NRG1: variants seen among roughly 807,000 people sequenced by gnomAD.
NRG1 encodes the protein pro-neuregulin-1, membrane-bound isoform.
In NRG1, 18 loss-of-function variants were observed where a neutral mutation model predicts 63.8. The observed-to-expected ratio is 0.28, with a 90% CI of 0.19 to 0.42. The LOEUF is 0.42. NRG1 is among the 10% of genes least tolerant of loss of function. NRG1 has a pLI of 1.00. For synonymous variants in NRG1, 302 were observed against 301.3 expected (o/e 1.00, Z -0.02); for missense variants, 762 against 814.7 (o/e 0.94, Z 0.79).
In NRG1 at chr8:32,614,609, C is replaced by T. The variant is rs1034368262; in HGVS notation, c.451+45C>T. On this transcript the variant is annotated intron_variant, in intron 4 of 11. Coordinates refer to ENST00000356819, the Ensembl canonical transcript of NRG1. ...CAAATTTTACTAACCAGAATGACAACCATAACTGCTGGCTGCTCCTTCTAC... is the reference window on the plus strand; with the variant it reads ...CAAATTTTACTAACCAGAATGACAATCATAACTGCTGGCTGCTCCTTCTAC... 2.5e-6 allele frequency: 4 copies of T among 1,576,846 alleles called. 1 individual carries two copies. The highest frequency in any genetic ancestry group is 3.4e-4 in the Middle Eastern group (2 of 5,940).
chr8:32,579,321 AAAC>A (rs1397763476), intron 1 of NRG1, among the ~76,000 whole-genome samples: 1 of 152,008 alleles, frequency 6.6e-6, no homozygotes, highest in Non-Finnish European at 1.5e-5. Context: ...CAATGTACAA[AAAC>A]CCAGAATAGA....
chr8:31,959,584 C>T (rs774588657), intron 1 of NRG1, among the ~76,000 whole-genome samples: 4 of 151,980 alleles, frequency 2.6e-5, no homozygotes, highest in Admixed American at 1.3e-4. Context: ...ACACCGGGTA[C>T]TATCCTGAGT....
intron 1 of NRG1, among the ~76,000 whole-genome samples, chr8:32,226,822 G>C (rs1412719353): frequency 6.6e-6 from 1 of 152,090 alleles, no homozygotes; most frequent in East Asian, 1.9e-4. Context: ...AAAATGTCAA[G>C]TTGTTTTGAC....
chr8:31,883,048 T>C (rs1272508503), intron 1 of NRG1, among the ~76,000 whole-genome samples: 1 of 152,072 alleles, frequency 6.6e-6, no homozygotes, highest in African/African-American at 2.4e-5. Context: ...TAGCATGCTA[T>C]CAAAGAGCAT....
At chr8:32,432,882 A>C (rs1468685753) in intron 1 of NRG1, among the ~76,000 whole-genome samples, 1 of 152,162 alleles carries the variant, frequency 6.6e-6, no homozygotes, top group Admixed American at 6.6e-5. Flanking sequence ...CGGGTGGAGC[A>C]AAAGCTTTTA....
At chr8:32,114,908 CAA>C (rs1270381169) in intron 1 of NRG1, among the ~76,000 whole-genome samples, 2 of 151,960 alleles carry the variant, frequency 1.3e-5, no homozygotes, top group Non-Finnish European at 2.9e-5. Flanking sequence ...AGAGTTTAAC[CAA>C]AGTCAGGTGA....
chr8:32,548,094 C>G (rs36213230), upstream of NRG1: 198 of 548,766 alleles, frequency 3.6e-4, no homozygotes, highest in Non-Finnish European at 4.0e-4. Context: ...CCGCCACCCC[C>G]CGCCCGGCCA....
intron 1 of NRG1, among the ~76,000 whole-genome samples, chr8:31,760,301 T>C (rs1245295616): frequency 6.6e-6 from 1 of 152,180 alleles, no homozygotes; most frequent in East Asian, 1.9e-4. Flanking sequence ...ATTTGTTAAA[T>C]AGGGAATCCT....
intron 1 of NRG1, among the ~76,000 whole-genome samples, chr8:32,282,600 A>G (rs1343074803): frequency 6.6e-6 from 1 of 152,198 alleles, no homozygotes; most frequent in African/African-American, 2.4e-5. Context: ...CATCAGCCTC[A>G]CCAAGCAGTG....
At chr8:31,881,096 C>T (rs189758775) in intron 1 of NRG1, among the ~76,000 whole-genome samples, 1 of 152,202 alleles carries the variant, frequency 6.6e-6, no homozygotes, top group East Asian at 1.9e-4. Context: ...GTTCCAGGAT[C>T]TTGAGTACAG....
intron 1 of NRG1, among the ~76,000 whole-genome samples, chr8:31,815,757 CAT>C (rs1253964255): frequency 6.6e-6 from 1 of 152,166 alleles, no homozygotes; most frequent in African/African-American, 2.4e-5. Flanking sequence ...AAATTTGTTA[CAT>C]GTTGTTGCAA....
At chr8:31,770,032 A>G (rs1268964457) in intron 1 of NRG1, among the ~76,000 whole-genome samples, 1 of 152,124 alleles carries the variant, frequency 6.6e-6, no homozygotes, top group East Asian at 1.9e-4. Flanking sequence ...TGGAAAGGAG[A>G]GAAAGTCAGA....
intron 5 of NRG1, among the ~76,000 whole-genome samples, chr8:32,694,766 G>T (rs1365627689): frequency 1.3e-5 from 2 of 152,194 alleles, no homozygotes; most frequent in Non-Finnish European, 2.9e-5. Context: ...TCTACTCAGT[G>T]ACTTTGTAGT....
At chr8:32,121,821 G>A (rs992082085) in intron 1 of NRG1, among the ~76,000 whole-genome samples, 2 of 151,880 alleles carry the variant, frequency 1.3e-5, no homozygotes, top group Non-Finnish European at 2.9e-5. Flanking sequence ...GCCATAGAGT[G>A]TTTTGACATT....
chr8:31,883,578 C>G (rs1245002611), intron 1 of NRG1, among the ~76,000 whole-genome samples: 2 of 152,024 alleles, frequency 1.3e-5, no homozygotes, highest in Non-Finnish European at 2.9e-5. Context: ...AGCAGAGTAG[C>G]CCAATCAAGT....
At position 32,055,312 on chromosome 8, in the gene NRG1, A is replaced by G. The variant is rs140017333; in HGVS notation, c.37+415881A>G. On this transcript the variant is annotated intron_variant, in intron 1 of 10. Coordinates refer to the NRG1 transcript ENST00000519301. The stretch of plus-strand genomic sequence containing the variant: ...GGATAATAATATATCTTTCTATATA[A>G]CACATTTCAATATCTATTTAATGTG... 2.6e-4 allele frequency among the ~76,000 whole-genome samples: 39 copies of G among 152,284 alleles called. No homozygotes were observed. The East Asian group carries it at 7.0e-3, about 27-fold the overall frequency.
intron 5 of NRG1, chr8:32,646,819 G>A: frequency 1.0e-6 from 1 of 985,260 alleles, no homozygotes; most frequent in Non-Finnish European, 1.2e-6. Context: ...TGGCAGTCCT[G>A]TGTGGCTGGG....
rs34220668 is a variant in NRG1 at position 32,321,851 on chromosome 8, A to ATT, written c.38-273967_38-273966dup. Reference sequence around the variant, plus strand: ...GTTCCTGTTGCTTTTTGTTTCTTTGATTTTTTTTTTTCTATTATATAAGCT... The same window carrying ATT: ...GTTCCTGTTGCTTTTTGTTTCTTTGATTTTTTTTTTTTTCTATTATATAAGCT... On this transcript the variant is annotated intron_variant, in intron 1 of 10. Coordinates refer to the NRG1 transcript ENST00000519301. Among the ~76,000 whole-genome samples, 33 of 150,088 alleles carry ATT rather than the reference A, an allele frequency of 2.2e-4. No individual in the cohort carries two copies. The East Asian group carries it at 2.6e-3, about 12-fold the overall frequency.
chr8:32,744,866 C>A (rs1827134681), intron 7 of NRG1, among the ~76,000 whole-genome samples: 1 of 152,066 alleles, frequency 6.6e-6, no homozygotes, highest in Non-Finnish European at 1.5e-5. Flanking sequence ...TTAAAATAAC[C>A]ACTATGTTTT....
Sources: allele counts gnomAD v4.1 joint callset (sites outside exome capture counted in the v4.1 genomes callset), GRCh38; gene constraint gnomAD v4.1.1; transcripts MANE v1.5; gene names NCBI Gene and HGNC (gene_info 2026-07-23, HGNC 2026-07-21).